Variants in EZH2 observed in about 807,000 individuals in gnomAD.
EZH2 encodes the protein enhancer of zeste 2 polycomb repressive complex 2 subunit.
EZH2 carries 18 observed loss-of-function variants against 98.4 expected under a neutral mutation model. That is an observed-to-expected ratio of 0.18 (90% CI 0.13 to 0.27). EZH2 has a LOEUF of 0.27. Among genes scored for constraint, EZH2 ranks in the 10% least tolerant of loss-of-function variants. The probability of loss-of-function intolerance (pLI) is 1.00; values close to 1 mark genes in which losing one functional copy is unlikely to be tolerated. For synonymous variants in EZH2, 338 were observed against 312.3 expected (o/e 1.08, Z -0.87); for missense variants, 470 against 935.1 (o/e 0.50, Z 6.49).
chr7:148,873,469 G>A (rs1172812245), intron 1 of EZH2, among the ~76,000 whole-genome samples: 5 of 138,410 alleles, frequency 3.6e-5, no homozygotes, highest in Non-Finnish European at 7.6e-5. Context: ...GCCAGCCTGG[G>A]TGACAGAGTG....
intron 6 of EZH2, among the ~76,000 whole-genome samples, chr7:148,827,827 G>A (rs745986663): frequency 6.6e-6 from 1 of 152,112 alleles, no homozygotes; most frequent in Non-Finnish European, 1.5e-5. Context: ...ATAGAAAATG[G>A]ATCTGACAGG....
chr7:148,816,925 TCA>T, intron 11 of EZH2, 147 bp from the exon 12 acceptor site: 1 of 640,138 alleles, frequency 1.6e-6, no homozygotes, highest in African/African-American at 1.8e-5. Flanking sequence ...GTCCCTACCC[TCA>T]CATTAGGGGT....
chr7:148,855,059 A>T (rs1247524693), intron 1 of EZH2, among the ~76,000 whole-genome samples: 1 of 152,256 alleles, frequency 6.6e-6, no homozygotes, highest in Non-Finnish European at 1.5e-5. Context: ...ATCCAGGAGA[A>T]GCAGGCACGC....
At chr7:148,808,222 A>G (rs1325779559) in intron 19 of EZH2, among the ~76,000 whole-genome samples, 2 of 152,230 alleles carry the variant, frequency 1.3e-5, no homozygotes, top group Non-Finnish European at 2.9e-5. Context: ...GGTCATCCCA[A>G]GGAAGCTCCA....
At chr7:148,834,350 TATACACACACACAC>T (rs1563259976) in intron 3 of EZH2, among the ~76,000 whole-genome samples, 1 of 81,974 alleles carries the variant, frequency 1.2e-5, no homozygotes, top group African/African-American at 8.3e-5. Context: ...TATATATATA[TATACACACACACAC>T]ACACACACAC....
chr7:148,873,699 A>G (rs1819788856), intron 1 of EZH2, among the ~76,000 whole-genome samples: 1 of 151,766 alleles, frequency 6.6e-6, no homozygotes, highest in Admixed American at 6.6e-5. Context: ...TGAGGATGGT[A>G]CTTAAATAAT....
intron 4 of EZH2, among the ~76,000 whole-genome samples, chr7:148,830,762 G>C (rs1006423025): frequency 6.6e-6 from 1 of 152,102 alleles, no homozygotes; most frequent in Non-Finnish European, 1.5e-5. Context: ...AGTTAAGACA[G>C]AATAGAATAG....
chr7:148,861,833 G>C (rs998504722), intron 1 of EZH2, among the ~76,000 whole-genome samples: 1 of 150,650 alleles, frequency 6.6e-6, no homozygotes, highest in African/African-American at 2.4e-5. Flanking sequence ...TAATTAGTAA[G>C]TGGTGCTTTA....
At chr7:148,813,235 AAAGCAC>A (rs1254095929) in intron 15 of EZH2, among the ~76,000 whole-genome samples, 1 of 152,130 alleles carries the variant, frequency 6.6e-6, no homozygotes, top group African/African-American at 2.4e-5. Context: ...CAAATCCACT[AAAGCAC>A]TCACAACAGT....
At chr7:148,815,750 G>A (rs916343977) in intron 12 of EZH2, among the ~76,000 whole-genome samples, 5 of 152,184 alleles carry the variant, frequency 3.3e-5, no homozygotes, top group African/African-American at 4.8e-5. Flanking sequence ...GTGGCAAGAC[G>A]TCATTTCCTG....
intron 15 of EZH2, 164 bp from the exon 16 acceptor site, chr7:148,811,884 T>G: frequency 1.7e-6 from 1 of 601,110 alleles, no homozygotes; most frequent in Non-Finnish European, 3.0e-6. Flanking sequence ...TGAAAGCTGC[T>G]GAGAATGGCT....
chr7:148,846,652 T>G, intron 2 of EZH2, 54 bp from the exon 3 acceptor site: 1 of 1,529,814 alleles, frequency 6.5e-7, no homozygotes, highest in East Asian at 2.3e-5. Flanking sequence ...TGTTAGAAAA[T>G]GTATAACACC....
intron 1 of EZH2, among the ~76,000 whole-genome samples, chr7:148,847,999 T>C (rs1021118305): frequency 6.6e-6 from 1 of 152,222 alleles, no homozygotes; most frequent in African/African-American, 2.4e-5. Flanking sequence ...TATGTTTAAA[T>C]GCGGGGACAG....
intron 1 of EZH2, among the ~76,000 whole-genome samples, chr7:148,853,546 G>C (rs1449711610): frequency 6.6e-6 from 1 of 152,192 alleles, no homozygotes; most frequent in Non-Finnish European, 1.5e-5. Context: ...CTCACCTCCT[G>C]CTGTACAGCC....
At position 148,823,991 on chromosome 7, in the gene EZH2, C is replaced by A. The variant is rs528054471; in HGVS notation, c.907+2463G>T. ...ACTACCGTATCCCCAAGATAAGAGA[C>A]CAGAAAACTAAAGCACAAAATGCTA... On this transcript the variant is annotated intron_variant, in intron 8 of 19. Transcript: ENST00000320356. 3.9e-5 allele frequency among the ~76,000 whole-genome samples: 6 copies of A among 152,162 alleles called. No individual in the cohort carries two copies. The South Asian group carries it at 8.3e-4, about 21-fold the overall frequency.
At chr7:148,864,538 AG>A (rs1818153176) in intron 1 of EZH2, among the ~76,000 whole-genome samples, 1 of 151,994 alleles carries the variant, frequency 6.6e-6, no homozygotes, top group African/African-American at 2.4e-5. Flanking sequence ...CAAATTAGCC[AG>A]GCGTGATGGC....
At chr7:148,838,922 C>T (rs1811606078) in intron 3 of EZH2, among the ~76,000 whole-genome samples, 1 of 152,080 alleles carries the variant, frequency 6.6e-6, no homozygotes, top group Admixed American at 6.6e-5. Flanking sequence ...TGTGGTGGTG[C>T]ATGCCTGTAG....
At chr7:148,875,733 A>T (rs1180652279) in intron 1 of EZH2, among the ~76,000 whole-genome samples, 1 of 152,236 alleles carries the variant, frequency 6.6e-6, no homozygotes, top group Non-Finnish European at 1.5e-5. Context: ...TTACCACTAA[A>T]ACATGTCCAG....
At chr7:148,820,384 T>G (rs1805695503) in intron 8 of EZH2, among the ~76,000 whole-genome samples, 1 of 152,180 alleles carries the variant, frequency 6.6e-6, no homozygotes, top group African/African-American at 2.4e-5. Context: ...ACAGAATTTC[T>G]TGCAAAAACT....
Sources: gnomAD v4.1 joint callset for allele counts (sites outside exome capture counted in the v4.1 genomes callset) on GRCh38, gnomAD v4.1.1 for gene constraint, MANE v1.5 for transcripts, NCBI Gene and HGNC (gene_info 2026-07-23, HGNC 2026-07-21) for gene names.